The following RP1L1 variants were observed in gnomAD, a reference collection of about 807,000 sequenced individuals.
The protein encoded by RP1L1 is retinitis pigmentosa 1-like 1 protein.
A neutral mutation model predicts 15.7 loss-of-function variants in RP1L1; 27 were observed. The ratio of observed to expected loss-of-function variants is 1.72; its 90% CI spans 1.27 to 2.38. The LOEUF (loss-of-function observed/expected upper bound fraction) is 2.38. RP1L1 is among the 30% of genes most tolerant of loss of function. The pLI, the probability that RP1L1 is intolerant of heterozygous loss-of-function variation, is 0.00. For missense variants in RP1L1, 4,798 were observed against 3,075.9 expected (o/e 1.56, Z -13.24); for synonymous variants, 1,813 against 1,276.7 (o/e 1.42, Z -8.96).
chr8:10,626,353 C>T (rs1450639015), intron 1 of RP1L1, among the ~76,000 whole-genome samples: 1 of 152,172 alleles, frequency 6.6e-6, no homozygotes, highest in Non-Finnish European at 1.5e-5. Flanking sequence ...CCTTGAAGGG[C>T]TGATCAATAT....
In RP1L1 at chr8:10,612,392, C is replaced by A. The variant is rs780688521; in HGVS notation, c.1706G>T (p.Ser569Ile). 6.2e-7 allele frequency: 1 copy of A among 1,612,692 alleles called. No homozygotes were observed. Among genetic ancestry groups the A allele is most frequent in the African/African-American group, 1.3e-5 (1 of 74,946 alleles). The change falls in exon 4 of 4, where the codon AGC (serine) becomes ATC (isoleucine). Residue 569 changes from serine (S) to isoleucine (I), a missense_variant. Transcript: ENST00000382483. Reference protein sequence around the residue: ...ARAETSQQEASEGGDPASPAL... With the variant: ...ARAETSQQEAIEGGDPASPAL... ...TGGAGAAGCGGGGTCGCCTCCCTCG[C>A]TGGCCTCCTGCTGAGAGGTCTCGGC...
At chr8:10,633,177 G>T (rs1352693562) in intron 1 of RP1L1, among the ~76,000 whole-genome samples, 1 of 152,330 alleles carries the variant, frequency 6.6e-6, no homozygotes, top group African/African-American at 2.4e-5. Flanking sequence ...AGCTAGAGCT[G>T]CACAGCAGCT....
Position 10,607,719 on chromosome 8 carries a change from G to A in RP1L1, c.6379C>T (p.Pro2127Ser), listed in dbSNP as rs1388939122. The A allele has an allele frequency of 6.2e-7, 1 of 1,609,076 alleles. No individual in the cohort carries two copies. The highest frequency in any genetic ancestry group is 1.4e-5 in the African/African-American group (1 of 73,436). Residue 2127 changes from proline to serine, a missense_variant, in exon 4 of 4, where the codon CCA (proline) becomes TCA (serine). Coordinates refer to ENST00000382483, the MANE Select transcript of RP1L1 (RefSeq NM_178857.6). ...GGGGCCTCTATACCTTCTGACTCTG[G>A]CTGGGCCTCCCCTTCAGTCTCTGGG... ...EAPETEGEAQ[P>S]ESEGIEAPEA...
intron 1 of RP1L1, among the ~76,000 whole-genome samples, chr8:10,624,301 C>G (rs574741533): frequency 1.3e-5 from 2 of 152,232 alleles, no homozygotes; most frequent in Non-Finnish European, 2.9e-5. Context: ...TCTTCAGAAA[C>G]TTCACATTCC....
intron 1 of RP1L1, among the ~76,000 whole-genome samples, chr8:10,631,386 TGC>T (rs1798248296): frequency 2.8e-5 from 2 of 71,244 alleles, no homozygotes; most frequent in African/African-American, 1.1e-4. Flanking sequence ...CAAACACACA[TGC>T]ACACACACGC....
rs1798086112 is a variant in RP1L1, at chr8:10,622,812, C to T, written c.390G>A (p.Arg130=). 1 of 1,613,800 alleles carries T rather than the reference C, an allele frequency of 6.2e-7. No homozygotes were observed. The highest frequency in any genetic ancestry group is 8.5e-7 in the Non-Finnish European group (1 of 1,179,854). ...GGGCTTCACGCTGGCCTTCGACATC[C>T]CGCAACTGCTGAGCAGTGGGGTTTC... is the stretch of plus-strand genomic sequence containing the variant. ...QERNPTAQQL[R]DVEGQREAPG... The change falls in exon 2 of 4, where the codon CGG becomes CGA. Residue 130 remains arginine (R), a synonymous_variant. Coordinates refer to ENST00000382483, the MANE Select transcript of RP1L1 (RefSeq NM_178857.6).
At chr8:10,639,199 C>A (rs1299181019) in intron 1 of RP1L1, among the ~76,000 whole-genome samples, 1 of 151,850 alleles carries the variant, frequency 6.6e-6, no homozygotes. Context: ...CTGTGGAGAC[C>A]TTTGCTTGCC....
chr8:10,645,051 G>A (rs934173607), intron 1 of RP1L1, among the ~76,000 whole-genome samples: 6 of 152,174 alleles, frequency 3.9e-5, no homozygotes, highest in Non-Finnish European at 8.8e-5. Context: ...GTAGGATTGG[G>A]CATGGTGGCT....
At chr8:10,618,259 G>A (rs556404050) in intron 2 of RP1L1, among the ~76,000 whole-genome samples, 1 of 152,262 alleles carries the variant, frequency 6.6e-6, no homozygotes, top group African/African-American at 2.4e-5. Flanking sequence ...CAGCACTTTG[G>A]GGGGCCGAGG....
chr8:10,613,216 C>T lies in RP1L1; in HGVS notation c.882G>A (p.Gln294=), dbSNP rs769529385. 3 of 1,613,266 alleles carry T rather than the reference C, an allele frequency of 1.9e-6. No homozygotes were observed. In the Admixed American group the frequency reaches 5.0e-5, roughly 27 times the overall value. ...PVGPAPGRHP[Q]DTPAQSGPLV... ...GCGGGCCCGACTGAGCTGGCGTGTC[C>T]TGAGGGTGCCTGCCAGGAGCAGGGC... Residue 294 remains glutamine (Q), a synonymous_variant, in exon 4 of 4, where the codon CAG becomes CAA. Transcript: ENST00000382483.
intron 3 of RP1L1, among the ~76,000 whole-genome samples, chr8:10,613,875 G>C (rs1279850040): frequency 6.6e-6 from 1 of 152,098 alleles, no homozygotes; most frequent in Non-Finnish European, 1.5e-5. Flanking sequence ...AACTGGCATT[G>C]TCTAACAAGG....
intron 1 of RP1L1, among the ~76,000 whole-genome samples, chr8:10,654,679 C>G (rs1421993971): frequency 6.6e-6 from 1 of 152,246 alleles, no homozygotes; most frequent in Admixed American, 6.5e-5. Context: ...ACCTGAAACT[C>G]CACTGTGTCG....
intron 2 of RP1L1, among the ~76,000 whole-genome samples, chr8:10,618,149 G>C (rs1355112335): frequency 6.6e-6 from 1 of 152,148 alleles, no homozygotes; most frequent in African/African-American, 2.4e-5. Flanking sequence ...ATGCAACTAG[G>C]AGCAAATTAC....
chr8:10,631,893 G>A (rs927323279), intron 1 of RP1L1, among the ~76,000 whole-genome samples: 3 of 152,336 alleles, frequency 2.0e-5, no homozygotes, highest in South Asian at 2.1e-4. Context: ...AGCACGGGGC[G>A]GATTTGGAGT....
chr8:10,637,328 G>A (rs1307712853), intron 1 of RP1L1, among the ~76,000 whole-genome samples: 1 of 152,198 alleles, frequency 6.6e-6, no homozygotes, highest in South Asian at 2.1e-4. Flanking sequence ...TTTATCAAAT[G>A]CACCACAATT....
chr8:10,623,236 G>A lies in RP1L1; in HGVS notation c.-19-16C>T. Reference sequence around the variant, plus strand: ...GCTCTGGCCGCTGTAACAGGGCAGAGGAAGAGGGGTCAGAGAGCAGCTTGG... The same window carrying A: ...GCTCTGGCCGCTGTAACAGGGCAGAAGAAGAGGGGTCAGAGAGCAGCTTGG... On this transcript the variant is annotated splice_polypyrimidine_tract_variant and intron_variant, in intron 1 of 3. Coordinates refer to ENST00000382483, the MANE Select transcript of RP1L1 (RefSeq NM_178857.6). 6.6e-7 allele frequency: 1 copy of A among 1,514,386 alleles called. No homozygotes were observed. The highest frequency in any genetic ancestry group is 1.4e-5 in the African/African-American group (1 of 72,048). The allele number at this position is 1,514,386 out of a possible 1,614,324, so 93.8% of individuals were successfully genotyped here.
In RP1L1 at chr8:10,607,031, G is replaced by A. The variant is rs771155586; in HGVS notation, c.7067C>T (p.Pro2356Leu). ...CTGCTCTGGAGTCCTTGAGCCCAAAGGGGCCTCTTCTTGCTCAGAAGTAGA... is the reference window on the plus strand; with the variant it reads ...CTGCTCTGGAGTCCTTGAGCCCAAAAGGGCCTCTTCTTGCTCAGAAGTAGA... The part of the protein sequence containing the change: ...ESSTSEQEEA[P>L]LGSRTPEQGA... The change falls in exon 4 of 4, where the codon CCT (proline) becomes CTT (leucine). Residue 2356 changes from proline to leucine, a missense_variant. Physicochemically the swap from Pro to Leu is moderately conservative, Grantham distance 98. Transcript: ENST00000382483. 5.0e-6 allele frequency: 8 copies of A among 1,614,126 alleles called. No homozygotes were observed. In the African/African-American group the frequency reaches 1.1e-4, roughly 22 times the overall value.
Position 10,612,218 on chromosome 8 carries a change from G to T in RP1L1, c.1880C>A (p.Thr627Asn), listed in dbSNP as rs867884149. 1 of 1,613,316 alleles carries T rather than the reference G, an allele frequency of 6.2e-7. No homozygotes were observed. The highest frequency in any genetic ancestry group is 1.7e-5 in the Admixed American group (1 of 60,034). Residue 627 changes from threonine (T) to asparagine (N), a missense_variant, in exon 4 of 4, where the codon ACC (threonine) becomes AAC (asparagine). Thr to Asn is a moderately conservative substitution (Grantham distance 65). Coordinates refer to ENST00000382483, the MANE Select transcript of RP1L1 (RefSeq NM_178857.6). ...CSWDSEGASSTPSTCTSSQQG... is the reference protein window; with the variant it reads ...CSWDSEGASSNPSTCTSSQQG... ...CTGGGATGAAGTGCAGGTGGAAGGG[G>T]TGGAAGAGGCTCCTTCCGAGTCCCA...
intron 2 of RP1L1, chr8:10,621,635 T>C: frequency 2.2e-6 from 1 of 450,584 alleles, no homozygotes; most frequent in South Asian, 1.6e-5. Flanking sequence ...GATATGATAT[T>C]TATGAAGTAT....
Sources: gnomAD v4.1 joint callset for allele counts (sites outside exome capture counted in the v4.1 genomes callset) on GRCh38, gnomAD v4.1.1 for gene constraint, MANE v1.5 for transcripts, NCBI Gene and HGNC (gene_info 2026-07-23, HGNC 2026-07-21) for gene names.